The following KIAA1549L variants were observed in gnomAD, a reference collection of about 807,000 sequenced individuals.
The protein encoded by KIAA1549L is UPF0606 protein KIAA1549L.
In KIAA1549L, 88 loss-of-function variants were observed where a neutral mutation model predicts 160.7. The observed-to-expected ratio is 0.55, with a 90% confidence interval of 0.46 to 0.65. The LOEUF is 0.65. Ranked by LOEUF, KIAA1549L falls within the 30% of genes least tolerant of loss-of-function variation. KIAA1549L has a pLI of 0.00. For synonymous variants in KIAA1549L, 950 were observed against 976.7 expected (o/e 0.97, Z 0.51); for missense variants, 2,258 against 2,437.5 (o/e 0.93, Z 1.55).
chr11:33,597,424 G>A (rs1850230228), intron 12 of KIAA1549L, among the ~76,000 whole-genome samples: 1 of 152,196 alleles, frequency 6.6e-6, no homozygotes, highest in African/African-American at 2.4e-5. Context: ...GGAGCATCCG[G>A]AAGGATACAC....
At chr11:33,538,596 A>T (rs190454303) in intron 1 of KIAA1549L, among the ~76,000 whole-genome samples, 1 of 152,166 alleles carries the variant, frequency 6.6e-6, no homozygotes, top group African/African-American at 2.4e-5. Flanking sequence ...TAAAAATTCA[A>T]CCTATAATGG....
intron 1 of KIAA1549L, among the ~76,000 whole-genome samples, chr11:33,473,612 G>C (rs919001965): frequency 6.6e-6 from 1 of 152,166 alleles, no homozygotes; most frequent in African/African-American, 2.4e-5. Flanking sequence ...CCTAAAGACT[G>C]TGTTCTCCGC....
rs1565175279 is a variant in KIAA1549L, at chr11:33,542,375, TGTTA to T, written c.816_819del (p.Leu272PhefsTer11). The T allele has an allele frequency of 3.6e-6, 4 of 1,111,872 alleles. No individual in the cohort carries two copies. Among genetic ancestry groups the T allele is most frequent in the Admixed American group, 2.4e-5 (1 of 42,550 alleles). The allele number at this position is 1,111,872 out of a possible 1,614,324, so 68.9% of individuals were successfully genotyped here. ...CCAGCAGAGCAATCCCCCAAAGTGCTGTTAGTTCCCCAAACAGCTCCAGCCGACC... is the reference window on the plus strand; with the variant it reads ...CCAGCAGAGCAATCCCCCAAAGTGCTGTTCCCCAAACAGCTCCAGCCGACC... On this transcript the variant is annotated frameshift_variant, in exon 2 of 21. Transcript: ENST00000658780. LOFTEE classifies it high-confidence loss of function.
At chr11:33,386,745 G>C (rs1463990834) in intron 1 of KIAA1549L, among the ~76,000 whole-genome samples, 1 of 151,862 alleles carries the variant, frequency 6.6e-6, no homozygotes, top group South Asian at 2.1e-4. Context: ...TGTTCATGAG[G>C]GGTATTGGTC....
At chr11:33,521,405 C>T (rs933297671) in intron 1 of KIAA1549L, among the ~76,000 whole-genome samples, 3 of 152,170 alleles carry the variant, frequency 2.0e-5, no homozygotes. Flanking sequence ...CCTGCATCTG[C>T]ATCGGTAAAA....
chr11:33,600,653 C>T (rs974336085), intron 13 of KIAA1549L, among the ~76,000 whole-genome samples: 5 of 152,062 alleles, frequency 3.3e-5, no homozygotes, highest in African/African-American at 9.7e-5. Flanking sequence ...CTCACCCACC[C>T]CAGTCCTCAG....
chr11:33,545,472 G>T, intron 3 of KIAA1549L, 94 bp downstream of exon 3: 2 of 1,403,532 alleles, frequency 1.4e-6, no homozygotes, highest in Middle Eastern at 2.6e-4. Flanking sequence ...TCAACCAGGG[G>T]ACATTTTTCC....
intron 1 of KIAA1549L, among the ~76,000 whole-genome samples, chr11:33,435,776 AT>A (rs1851344057): frequency 1.0e-4 from 1 of 9,890 alleles, no homozygotes; most frequent in South Asian, 3.8e-3. Context: ...ATATATATAT[AT>A]ATATATATAT....
intron 11 of KIAA1549L, among the ~76,000 whole-genome samples, chr11:33,584,883 A>G (rs886593773): frequency 1.3e-5 from 2 of 152,212 alleles, no homozygotes; most frequent in African/African-American, 4.8e-5. Context: ...CTACCAGTGC[A>G]GGAATGAAAT....
At chr11:33,656,587 G>A (rs1049410907) in intron 18 of KIAA1549L, among the ~76,000 whole-genome samples, 8 of 152,222 alleles carry the variant, frequency 5.3e-5, no homozygotes, top group African/African-American at 1.4e-4. Flanking sequence ...TGTTAAGCAT[G>A]TTCTTTGCTT....
chr11:33,498,690 A>G (rs1448549918), intron 1 of KIAA1549L, among the ~76,000 whole-genome samples: 1 of 152,240 alleles, frequency 6.6e-6, no homozygotes, highest in Admixed American at 6.5e-5. Context: ...CAAAGCAATA[A>G]CAAGGTCAGC....
intron 1 of KIAA1549L, among the ~76,000 whole-genome samples, chr11:33,539,496 G>A (rs941150884): frequency 6.6e-6 from 1 of 152,214 alleles, no homozygotes; most frequent in Non-Finnish European, 1.5e-5. Flanking sequence ...TCTTGCTTGT[G>A]CTACCTATAT....
At chr11:33,377,489 C>T (rs1371039979) in intron 1 of KIAA1549L, among the ~76,000 whole-genome samples, 1 of 152,036 alleles carries the variant, frequency 6.6e-6, no homozygotes, top group Admixed American at 6.6e-5. Context: ...CCAGCAATCC[C>T]CAGGAAATAG....
intron 1 of KIAA1549L, among the ~76,000 whole-genome samples, chr11:33,531,439 A>C (rs1049197846): frequency 6.6e-6 from 1 of 152,166 alleles, no homozygotes; most frequent in Non-Finnish European, 1.5e-5. Flanking sequence ...GCGCCACTGC[A>C]CTCCAGCCTG....
At chr11:33,511,957 G>A (rs985486851) in intron 1 of KIAA1549L, among the ~76,000 whole-genome samples, 2 of 152,148 alleles carry the variant, frequency 1.3e-5, no homozygotes, top group East Asian at 1.9e-4. Flanking sequence ...AGTTAGCTGC[G>A]ATTAGGTTGA....
At chr11:33,605,266 A>C (rs942154275) in intron 13 of KIAA1549L, among the ~76,000 whole-genome samples, 2 of 151,948 alleles carry the variant, frequency 1.3e-5, no homozygotes, top group African/African-American at 4.8e-5. Flanking sequence ...GGTCAGTCCC[A>C]TTCATCCTGG....
chr11:33,538,942 C>A (rs1853953955), intron 1 of KIAA1549L, among the ~76,000 whole-genome samples: 1 of 152,178 alleles, frequency 6.6e-6, no homozygotes, highest in South Asian at 2.1e-4. Flanking sequence ...GGGAAGTGCC[C>A]CCGTCCTGTT....
At chr11:33,640,584 C>T (rs375163706) in intron 16 of KIAA1549L, among the ~76,000 whole-genome samples, 2 of 152,160 alleles carry the variant, frequency 1.3e-5, no homozygotes, top group African/African-American at 4.8e-5. Flanking sequence ...GTGGGGAGAG[C>T]GTTGGCAGTG....
Position 33,543,945 on chromosome 11 carries a change from G to T in KIAA1549L, c.2382G>T (p.Met794Ile). ...EQPVQQSDMTMVGSHIDLWPT... is the reference protein window; with the variant it reads ...EQPVQQSDMTIVGSHIDLWPT... Reference sequence around the variant, plus strand: ...CTGTGCAACAGTCAGACATGACCATGGTTGGAAGCCATATAGACCTCTGGC... The same window carrying T: ...CTGTGCAACAGTCAGACATGACCATTGTTGGAAGCCATATAGACCTCTGGC... Residue 794 changes from methionine (M) to isoleucine (I), a missense_variant, in exon 2 of 21, where the codon ATG becomes ATT. Met to Ile is a conservative substitution (Grantham distance 10). Transcript: ENST00000658780. 1 of 1,613,988 alleles carries T rather than the reference G, an allele frequency of 6.2e-7. No individual in the cohort carries two copies. Among genetic ancestry groups the T allele is most frequent in the South Asian group, 1.1e-5 (1 of 91,080 alleles).
Sources: allele counts gnomAD v4.1 joint callset (sites outside exome capture counted in the v4.1 genomes callset), GRCh38; gene constraint gnomAD v4.1.1; transcripts MANE v1.5; gene names NCBI Gene and HGNC (gene_info 2026-07-23, HGNC 2026-07-21).